Variants in CILK1 observed in about 807,000 individuals in gnomAD.
CILK1 encodes the protein serine/threonine-protein kinase ICK.
In CILK1, 47 loss-of-function variants were observed where a neutral mutation model predicts 79.2. The observed-to-expected ratio is 0.59, with a 90% CI of 0.47 to 0.76. The LOEUF is 0.76. Among genes scored for constraint, CILK1 ranks in the 30% least tolerant of loss-of-function variants. The pLI, the probability that CILK1 is intolerant of heterozygous loss-of-function variation, is 0.00. For missense variants in CILK1, 660 were observed against 769.5 expected (o/e 0.86, Z 1.68); for synonymous variants, 266 against 275.9 (o/e 0.96, Z 0.36).
At chr6:53,019,843 T>G (rs191186557) in intron 5 of CILK1, among the ~76,000 whole-genome samples, 164 of 151,662 alleles carry the variant, frequency 1.1e-3, no homozygotes, top group Middle Eastern at 3.4e-3. Flanking sequence ...TTTTTTTTTT[T>G]TTTGTTTTTG....
rs758518494 is a variant in CILK1 at position 53,013,687 on chromosome 6, G to C, written c.1127C>G (p.Ser376Cys). 11 of 1,613,988 alleles carry C rather than the reference G, an allele frequency of 6.8e-6. No homozygotes were observed. The highest frequency in any genetic ancestry group is 5.5e-5 in the South Asian group (5 of 91,074). ...EDKPSPLLFP[S>C]LHNKHPQSKI... is the part of the protein sequence containing the mutation. ...CGACTGTGGATGCTTGTTGTGGAGG[G>C]ATGGGAAAAGCAACGGGCTTGGCTT... The change falls in exon 9 of 14, where the codon TCC becomes TGC. Residue 376 changes from serine to cysteine, a missense_variant. Ser to Cys is a moderately radical substitution (Grantham distance 112). Transcript: ENST00000676107.
intron 2 of CILK1, among the ~76,000 whole-genome samples, chr6:53,038,307 T>A (rs1028249513): frequency 6.6e-6 from 1 of 152,248 alleles, no homozygotes; most frequent in African/African-American, 2.4e-5. Flanking sequence ...AGACCAGAGC[T>A]GTCCAGCAGA....
At chr6:53,008,816 A>G (rs947896805) in intron 12 of CILK1, among the ~76,000 whole-genome samples, 3 of 152,198 alleles carry the variant, frequency 2.0e-5, no homozygotes, top group Admixed American at 2.0e-4. Context: ...AAATTAAACA[A>G]ACACCTAATG....
chr6:53,051,816 A>G (rs1767496592), intron 1 of CILK1, among the ~76,000 whole-genome samples: 1 of 152,242 alleles, frequency 6.6e-6, no homozygotes, highest in Non-Finnish European at 1.5e-5. Context: ...TAAATTACAC[A>G]GCAGCAGTGT....
chr6:53,044,182 G>A (rs566926332), intron 1 of CILK1, among the ~76,000 whole-genome samples: 71 of 152,202 alleles, frequency 4.7e-4, no homozygotes, highest in Non-Finnish European at 8.7e-4. Flanking sequence ...CCTGTTAGGA[G>A]CTGGGCCACA....
At chr6:53,054,526 T>G (rs928671515) in intron 1 of CILK1, 18 of 152,352 alleles carry the variant, frequency 1.2e-4, no homozygotes, top group African/African-American at 4.1e-4. Context: ...TGGGCCCAAC[T>G]AAAAGTTCTG....
chr6:53,017,604 T>A (rs1764967986), intron 7 of CILK1, among the ~76,000 whole-genome samples: 1 of 152,176 alleles, frequency 6.6e-6, no homozygotes, highest in African/African-American at 2.4e-5. Context: ...GGAAGCTGAA[T>A]CTGGCCACAG....
At chr6:53,013,420 A>C (rs1447902689) in intron 9 of CILK1, among the ~76,000 whole-genome samples, 2 of 152,230 alleles carry the variant, frequency 1.3e-5, no homozygotes, top group Non-Finnish European at 2.9e-5. Context: ...TGCAGAGGCC[A>C]GCTCCCAGCC....
intron 1 of CILK1, among the ~76,000 whole-genome samples, chr6:53,053,055 A>C (rs1275633009): frequency 4.4e-4 from 67 of 151,664 alleles, no homozygotes; most frequent in African/African-American, 1.6e-3. Context: ...AAAGCCTGAA[A>C]AAAAAAAAAA....
intron 1 of CILK1, among the ~76,000 whole-genome samples, chr6:53,053,715 T>C (rs1767645792): frequency 6.6e-6 from 1 of 152,160 alleles, no homozygotes; most frequent in South Asian, 2.1e-4. Context: ...AATATGAAAA[T>C]GAATGATATG....
chr6:53,051,397 T>C (rs1767473045), intron 1 of CILK1, among the ~76,000 whole-genome samples: 1 of 152,182 alleles, frequency 6.6e-6, no homozygotes, highest in Non-Finnish European at 1.5e-5. Context: ...AGGTCAGAAG[T>C]CTGAAACCAG....
intron 12 of CILK1, among the ~76,000 whole-genome samples, chr6:53,007,456 T>C (rs1039637151): frequency 2.6e-5 from 4 of 152,138 alleles, no homozygotes; most frequent in African/African-American, 9.7e-5. Flanking sequence ...CATTAGTAAA[T>C]AGGACATGCA....
chr6:53,014,342 G>A (rs1764769594), intron 8 of CILK1, among the ~76,000 whole-genome samples: 1 of 151,924 alleles, frequency 6.6e-6, no homozygotes. Context: ...CACAGAAGAA[G>A]AAAAAAATAA....
Position 53,005,073 on chromosome 6 carries a change from G to A in CILK1, c.*76C>T. On this transcript the variant is annotated 3_prime_UTR_variant, in exon 14 of 14. Transcript: ENST00000676107. ...TGCTTTTATGCCCTCTGCACATCTTGCAGGTAGAACACCAGTCAGCTGAGG... is the reference window on the plus strand; with the variant it reads ...TGCTTTTATGCCCTCTGCACATCTTACAGGTAGAACACCAGTCAGCTGAGG... The A allele has an allele frequency of 6.6e-7, 1 of 1,516,018 alleles. No individual in the cohort carries two copies. The highest frequency in any genetic ancestry group is 9.1e-7 in the Non-Finnish European group (1 of 1,094,540). The allele number at this position is 1,516,018 out of a possible 1,614,324, so 93.9% of individuals were successfully genotyped here.
chr6:53,013,615 G>T, intron 9 of CILK1, 47 bp downstream of exon 9: 1 of 1,538,334 alleles, frequency 6.5e-7, no homozygotes, highest in Non-Finnish European at 9.0e-7. Flanking sequence ...GGGGTCAGAA[G>T]AGGAATAAAC....
intron 1 of CILK1, among the ~76,000 whole-genome samples, chr6:53,052,414 T>G (rs1426493359): frequency 6.6e-6 from 1 of 152,092 alleles, no homozygotes; most frequent in Admixed American, 6.6e-5. Context: ...ACTGGCACTC[T>G]GGGGGCTGAA....
chr6:53,024,705 C>T (rs1380640121), intron 5 of CILK1, among the ~76,000 whole-genome samples: 2 of 152,138 alleles, frequency 1.3e-5, no homozygotes, highest in African/African-American at 2.4e-5. Context: ...TTTCTTACTC[C>T]ACAGATGGGA....
In CILK1 at chr6:53,003,534, T is replaced by C. The variant is rs1436124120; in HGVS notation, c.*1615A>G. The C allele has an allele frequency of 6.6e-6, 1 of 152,012 alleles. No individual in the cohort carries two copies. Among genetic ancestry groups the C allele is most frequent in the East Asian group, 1.9e-4 (1 of 5,176 alleles). The allele number at this position is 152,012 out of a possible 1,614,324, so 9.4% of individuals were successfully genotyped here. A position where few individuals can be genotyped will look rare whatever the true frequency, so the allele number is the denominator to read the frequency against. ...GAGGGTGGATCACGAGGTCAGGAGATCGAGGCCGTCCTGGCTAACACAGTG... is the reference window on the plus strand; with the variant it reads ...GAGGGTGGATCACGAGGTCAGGAGACCGAGGCCGTCCTGGCTAACACAGTG... On this transcript the variant is annotated 3_prime_UTR_variant, in exon 14 of 14. Coordinates refer to ENST00000676107, the MANE Select transcript of CILK1 (RefSeq NM_014920.5).
chr6:53,060,208 ATATCC>A (rs1205813943), intron 1 of CILK1, among the ~76,000 whole-genome samples: 1 of 152,220 alleles, frequency 6.6e-6, no homozygotes, highest in African/African-American at 2.4e-5. Context: ...GGCTTGTTTG[ATATCC>A]TAGTAGTTCA....
Sources: allele counts gnomAD v4.1 joint callset (sites outside exome capture counted in the v4.1 genomes callset), GRCh38; gene constraint gnomAD v4.1.1; transcripts MANE v1.5; gene names NCBI Gene and HGNC (gene_info 2026-07-23, HGNC 2026-07-21).